Variants in AGBL1 observed in about 807,000 individuals in gnomAD.
AGBL1 encodes the protein cytosolic carboxypeptidase 4.
In AGBL1, 130 loss-of-function variants were observed where a neutral mutation model predicts 118.9. The observed-to-expected ratio is 1.09, with a 90% CI of 0.95 to 1.26. AGBL1 has a LOEUF of 1.26. AGBL1 is among the 50% of genes most tolerant of loss of function. The pLI is 0.00. For missense variants in AGBL1, 1,584 were observed against 1,298.1 expected, an observed-to-expected ratio of 1.22 and a Z score of -3.38; for synonymous variants, 555 against 478.9, an observed-to-expected ratio of 1.16 and a Z score of -2.08.
intron 24 of AGBL1, among the ~76,000 whole-genome samples, chr15:87,006,474 C>T (rs934416560): frequency 1.3e-5 from 2 of 152,182 alleles, no homozygotes; most frequent in Admixed American, 1.3e-4. Flanking sequence ...GCTCCGTGGG[C>T]ATGGTACCCT....
At chr15:86,205,658 G>T (rs1482989884) in intron 5 of AGBL1, among the ~76,000 whole-genome samples, 1 of 152,160 alleles carries the variant, frequency 6.6e-6, no homozygotes, top group Non-Finnish European at 1.5e-5. Context: ...TAATAGGTAT[G>T]TATTGGTATT....
At chr15:86,797,970 G>A (rs1302710010) in intron 22 of AGBL1, among the ~76,000 whole-genome samples, 1 of 152,188 alleles carries the variant, frequency 6.6e-6, no homozygotes, top group Non-Finnish European at 1.5e-5. Context: ...AGGGCAATTA[G>A]TTACAGAATG....
intron 23 of AGBL1, among the ~76,000 whole-genome samples, chr15:86,959,359 C>T (rs1037930486): frequency 5.9e-5 from 9 of 152,008 alleles, no homozygotes; most frequent in Admixed American, 4.6e-4. Flanking sequence ...ACCTAAGAAC[C>T]CAAATGCATG....
At chr15:86,780,657 C>CTT (rs71144066) in intron 22 of AGBL1, among the ~76,000 whole-genome samples, 72,688 of 142,800 alleles carry the variant, frequency 0.51, 20,099 homozygotes, top group Non-Finnish European at 0.62. Context: ...TCTTTAACTT[C>CTT]TTTTTTTTTT....
In AGBL1 at chr15:86,648,575, G is replaced by C. The variant is rs191615108; in HGVS notation, c.2995-25698G>C. 9.5e-4 allele frequency among the ~76,000 whole-genome samples: 144 copies of C among 152,318 alleles called. 1 individual carries two copies. Among genetic ancestry groups the C allele is most frequent in the African/African-American group, 3.2e-3 (132 of 41,568 alleles). On this transcript the variant is annotated intron_variant, in intron 21 of 22. Coordinates refer to ENST00000614907, the MANE Select transcript of AGBL1 (RefSeq NM_001386094.1). Reference sequence around the variant, plus strand: ...TGTAAGATTTCTGTTAGATAGCCAAGTAGTAATGTCAAGTCCTTAGTCAGA... The same window carrying C: ...TGTAAGATTTCTGTTAGATAGCCAACTAGTAATGTCAAGTCCTTAGTCAGA...
chr15:86,278,554 G>C (rs149635559), intron 15 of AGBL1, among the ~76,000 whole-genome samples: 1 of 152,242 alleles, frequency 6.6e-6, no homozygotes, highest in South Asian at 2.1e-4. Context: ...TAGCAAAAAG[G>C]TAGAAAAGAA....
chr15:86,273,586 A>G (rs956167238), intron 15 of AGBL1, among the ~76,000 whole-genome samples: 1 of 152,046 alleles, frequency 6.6e-6, no homozygotes, highest in African/African-American at 2.4e-5. Context: ...CTCTCTCCCT[A>G]TTTACCTATC....
chr15:86,729,197 A>G lies in AGBL1; in HGVS notation c.3158+54761A>G, dbSNP rs980596713. Among the ~76,000 whole-genome samples, 5 of 152,342 alleles carry G rather than the reference A, an allele frequency of 3.3e-5. No individual in the cohort carries two copies. The East Asian group carries it at 7.7e-4, about 24-fold the overall frequency. On this transcript the variant is annotated intron_variant, in intron 22 of 22. Coordinates refer to ENST00000614907, the MANE Select transcript of AGBL1 (RefSeq NM_001386094.1). ...ATAAAGAGAACAATAGTGATTTTCAAACAAGCCACTATTAATGTTAGGTTT... is the reference window on the plus strand; with the variant it reads ...ATAAAGAGAACAATAGTGATTTTCAGACAAGCCACTATTAATGTTAGGTTT...
chr15:86,485,933 T>G (rs1408881781), intron 18 of AGBL1, among the ~76,000 whole-genome samples: 1 of 151,948 alleles, frequency 6.6e-6, no homozygotes, highest in Admixed American at 6.6e-5. Context: ...CTCCTCCTCT[T>G]TTTAAACCCA....
intron 22 of AGBL1, among the ~76,000 whole-genome samples, chr15:86,794,448 A>C (rs2078541362): frequency 6.6e-6 from 1 of 152,126 alleles, no homozygotes; most frequent in African/African-American, 2.4e-5. Flanking sequence ...GGGCTAGCTG[A>C]AAGAGGCAAT....
intron 22 of AGBL1, among the ~76,000 whole-genome samples, chr15:86,886,764 A>G (rs1596592911): frequency 6.6e-6 from 1 of 152,178 alleles, no homozygotes; most frequent in South Asian, 2.1e-4. Context: ...AGCTAGAGTC[A>G]GCTTGGACCC....
intron 23 of AGBL1, among the ~76,000 whole-genome samples, chr15:86,957,382 G>T (rs2080941637): frequency 6.6e-6 from 1 of 151,876 alleles, no homozygotes. Flanking sequence ...TGTAACATTT[G>T]GGAAAAAGTT....
At chr15:87,014,718 T>C (rs1019366691) in intron 24 of AGBL1, among the ~76,000 whole-genome samples, 6 of 152,144 alleles carry the variant, frequency 3.9e-5, no homozygotes, top group Non-Finnish European at 7.3e-5. Context: ...AATGGAGAAG[T>C]TCTTTTATCA....
intron 22 of AGBL1, among the ~76,000 whole-genome samples, chr15:86,810,062 G>A (rs2078767673): frequency 6.6e-6 from 1 of 152,184 alleles, no homozygotes; most frequent in Admixed American, 6.5e-5. Flanking sequence ...CTTAAAGTGA[G>A]AGATTTGGCA....
chr15:86,462,436 T>A lies in AGBL1; in HGVS notation c.2556-60374T>A, dbSNP rs559323886. On this transcript the variant is annotated intron_variant, in intron 18 of 22. Coordinates refer to ENST00000614907, the MANE Select transcript of AGBL1 (RefSeq NM_001386094.1). ...GCATCATTTCTTTCTTTCTTTTTTT[T>A]AAAAAAAAACACAAAAAACTTTTAC... Among the ~76,000 whole-genome samples the A allele has an allele frequency of 1.8e-3, 278 of 151,340 alleles. 5 individuals carry two copies. The South Asian group carries it at 0.045, about 24-fold the overall frequency.
At chr15:86,643,107 T>C (rs556222614) in intron 21 of AGBL1, among the ~76,000 whole-genome samples, 1 of 152,262 alleles carries the variant, frequency 6.6e-6, no homozygotes, top group East Asian at 1.9e-4. Flanking sequence ...GCTGCAGCAA[T>C]TTCAGTCATC....
intron 18 of AGBL1, among the ~76,000 whole-genome samples, chr15:86,463,141 T>C (rs2082354471): frequency 6.6e-6 from 1 of 152,240 alleles, no homozygotes; most frequent in Non-Finnish European, 1.5e-5. Context: ...CTAACTGGTG[T>C]GAGATGGTAT....
chr15:86,662,242 TTACA>T (rs1371542190), intron 21 of AGBL1, among the ~76,000 whole-genome samples: 1 of 152,270 alleles, frequency 6.6e-6, no homozygotes. Flanking sequence ...GTGTGTAATA[TTACA>T]TACTGCATAG....
intron 6 of AGBL1, among the ~76,000 whole-genome samples, chr15:86,226,385 A>G (rs753362159): frequency 1.3e-5 from 2 of 152,146 alleles, no homozygotes; most frequent in Non-Finnish European, 2.9e-5. Context: ...GAAAGAAGCT[A>G]TCTCTCAAAT....
Sources: gnomAD v4.1 joint callset for allele counts (sites outside exome capture counted in the v4.1 genomes callset) on GRCh38, gnomAD v4.1.1 for gene constraint, MANE v1.5 for transcripts, NCBI Gene and HGNC (gene_info 2026-07-23, HGNC 2026-07-21) for gene names.